Variants in VMP1 observed in about 807,000 individuals in gnomAD.
VMP1 encodes ectopic P-granules autophagy protein 3 homolog.
Under a neutral mutation model 56.0 loss-of-function variants are expected in VMP1, and 11 were observed. The observed-to-expected ratio is 0.20, with a 90% confidence interval of 0.12 to 0.32. The LOEUF (loss-of-function observed/expected upper bound fraction) is 0.32, where lower values mean the gene tolerates loss of function less well. Among genes scored for constraint, VMP1 ranks in the 10% least tolerant of loss-of-function variants. The pLI is 1.00. For synonymous variants in VMP1, 149 were observed against 165.0 expected, an observed-to-expected ratio of 0.90 and a Z score of 0.74; for missense variants, 296 against 490.3, an observed-to-expected ratio of 0.60 and a Z score of 3.74.
chr17:59,826,562 A>T (rs921478525), intron 10 of VMP1, among the ~76,000 whole-genome samples: 1 of 152,200 alleles, frequency 6.6e-6, no homozygotes. Context: ...AGAGATAGAA[A>T]ATATAAATGA....
At chr17:59,777,872 T>C (rs1026218162) in intron 7 of VMP1, among the ~76,000 whole-genome samples, 4 of 151,270 alleles carry the variant, frequency 2.6e-5, no homozygotes, top group Non-Finnish European at 3.0e-5. Flanking sequence ...AAATAAAGTG[T>C]ACTCTGATAG....
intron 5 of VMP1, among the ~76,000 whole-genome samples, chr17:59,761,410 T>A (rs1007056497): frequency 2.6e-5 from 4 of 152,226 alleles, no homozygotes; most frequent in African/African-American, 9.7e-5. Flanking sequence ...AGTATTAAAT[T>A]GTTGATTGTA....
intron 7 of VMP1, among the ~76,000 whole-genome samples, chr17:59,780,355 C>T (rs915345223): frequency 1.3e-5 from 2 of 152,274 alleles, no homozygotes; most frequent in East Asian, 3.9e-4. Context: ...CTTTGGGAGA[C>T]CAAGGTGGGC....
chr17:59,741,417 TC>T (rs1415137930), intron 5 of VMP1, among the ~76,000 whole-genome samples: 1 of 152,096 alleles, frequency 6.6e-6, no homozygotes, highest in African/African-American at 2.4e-5. Context: ...TAGAGAGAAG[TC>T]AAGCAAAATG....
chr17:59,839,621 T>C (rs2039094643), intron 11 of VMP1, 147 bp from the exon 12 acceptor site: 1 of 951,424 alleles, frequency 1.1e-6, no homozygotes, highest in East Asian at 2.6e-5. Context: ...GTAATGGAGA[T>C]TTCAGAGTAG....
chr17:59,805,774 A>C (rs1480506034), intron 7 of VMP1, among the ~76,000 whole-genome samples: 4 of 152,072 alleles, frequency 2.6e-5, no homozygotes. Context: ...ATTTTCTATA[A>C]TTGTGTCTAT....
intron 5 of VMP1, among the ~76,000 whole-genome samples, chr17:59,759,183 G>C (rs2035953388): frequency 6.6e-6 from 1 of 152,178 alleles, no homozygotes; most frequent in Non-Finnish European, 1.5e-5. Flanking sequence ...AAACCAGCCT[G>C]ACCAACATGG....
At chr17:59,747,737 T>A (rs952712596) in intron 5 of VMP1, among the ~76,000 whole-genome samples, 2 of 150,752 alleles carry the variant, frequency 1.3e-5, no homozygotes. Context: ...AAAAAAAAAA[T>A]TATTTTAATT....
intron 1 of VMP1, among the ~76,000 whole-genome samples, chr17:59,724,915 G>A (rs1412745247): frequency 6.6e-6 from 1 of 151,766 alleles, no homozygotes; most frequent in Admixed American, 6.6e-5. Flanking sequence ...GCAGTGAGCC[G>A]AGATGGTGCC....
chr17:59,839,683 A>C, intron 11 of VMP1, 85 bp from the exon 12 acceptor site: 1 of 1,471,782 alleles, frequency 6.8e-7, no homozygotes, highest in Non-Finnish European at 9.0e-7. Flanking sequence ...TAAGTTACAC[A>C]CTTCAAGCAT....
At chr17:59,772,993 T>G (rs1423700426) in intron 6 of VMP1, among the ~76,000 whole-genome samples, 142 of 140,676 alleles carry the variant, frequency 1.0e-3, no homozygotes, top group African/African-American at 3.8e-3. Context: ...GACAGAGTCT[T>G]GCTCTGTTGC....
At chr17:59,725,138 C>T (rs1012264956) in intron 1 of VMP1, among the ~76,000 whole-genome samples, 2 of 152,104 alleles carry the variant, frequency 1.3e-5, no homozygotes, top group Non-Finnish European at 2.9e-5. Flanking sequence ...GCCTGGGCAA[C>T]ACAGCGAGAC....
intron 5 of VMP1, among the ~76,000 whole-genome samples, chr17:59,751,670 G>A (rs1337772863): frequency 1.3e-5 from 2 of 149,558 alleles, no homozygotes; most frequent in African/African-American, 5.0e-5. Flanking sequence ...TTTGAACGGG[G>A]GAGGCAGAGG....
At chr17:59,808,954 C>T in intron 8 of VMP1, 78 bp downstream of exon 8, 1 of 1,136,524 alleles carries the variant, frequency 8.8e-7, no homozygotes, top group Non-Finnish European at 1.3e-6. Context: ...CCTGAATTAA[C>T]AAAAGTGCTA....
At chr17:59,807,692 C>T (rs571167787) in intron 7 of VMP1, among the ~76,000 whole-genome samples, 2 of 151,766 alleles carry the variant, frequency 1.3e-5, no homozygotes, top group South Asian at 4.2e-4. Context: ...ATTAGCTGGG[C>T]GTGGTGGCAG....
chr17:59,775,081 A>C (rs2036571529), intron 7 of VMP1, among the ~76,000 whole-genome samples: 1 of 151,830 alleles, frequency 6.6e-6, no homozygotes, highest in Non-Finnish European at 1.5e-5. Context: ...AGCTGGGACT[A>C]CAGGCGCCTG....
intron 5 of VMP1, among the ~76,000 whole-genome samples, chr17:59,762,549 G>C (rs76151565): frequency 6.6e-6 from 1 of 152,034 alleles, no homozygotes; most frequent in Non-Finnish European, 1.5e-5. Context: ...AAGCTAAAAT[G>C]TTGAATAGAA....
At chr17:59,762,840 A>G (rs1338988953) in intron 5 of VMP1, among the ~76,000 whole-genome samples, 2 of 151,458 alleles carry the variant, frequency 1.3e-5, no homozygotes, top group African/African-American at 2.5e-5. Flanking sequence ...TGAAAACTAT[A>G]AAGAACTTTT....
chr17:59,739,644 A>C (rs1021718440), intron 5 of VMP1, among the ~76,000 whole-genome samples: 5 of 147,268 alleles, frequency 3.4e-5, no homozygotes, highest in African/African-American at 1.3e-4. Flanking sequence ...GAATGGCCTG[A>C]ACCCGGGAGG....
Sources: gnomAD v4.1 joint callset for allele counts (sites outside exome capture counted in the v4.1 genomes callset) on GRCh38, gnomAD v4.1.1 for gene constraint, MANE v1.5 for transcripts, NCBI Gene and HGNC (gene_info 2026-07-23, HGNC 2026-07-21) for gene names.